Variants in COL25A1 observed in about 807,000 individuals in gnomAD.
COL25A1 encodes the protein collagen alpha-1(XXV) chain.
In COL25A1, 103 loss-of-function variants were observed where a neutral mutation model predicts 128.4. The observed-to-expected ratio is 0.80, with a 90% CI of 0.68 to 0.94. The LOEUF (loss-of-function observed/expected upper bound fraction) is 0.94, where lower values mean the gene tolerates loss of function less well. Among genes scored for constraint, COL25A1 ranks in the 40% least tolerant of loss-of-function variants. The probability of loss-of-function intolerance (pLI) is 0.00; values close to 1 mark genes in which losing one functional copy is unlikely to be tolerated. For synonymous variants in COL25A1, 279 were observed against 277.2 expected, an observed-to-expected ratio of 1.01 and a Z score of -0.06; for missense variants, 745 against 840.0, an observed-to-expected ratio of 0.89 and a Z score of 1.40.
chr4:108,893,690 AAAG>A (rs1741791699), intron 16 of COL25A1, among the ~76,000 whole-genome samples: 2 of 152,234 alleles, frequency 1.3e-5, no homozygotes, highest in South Asian at 2.1e-4. Flanking sequence ...CAATGGCAGA[AAAG>A]AAGGATTTTT....
At chr4:108,990,939 C>G (rs567930974) in intron 6 of COL25A1, among the ~76,000 whole-genome samples, 1 of 152,276 alleles carries the variant, frequency 6.6e-6, no homozygotes, top group African/African-American at 2.4e-5. Context: ...GTTTCATTTG[C>G]TATTGTACAA....
chr4:108,860,887 G>A (rs752808220), intron 23 of COL25A1, 40 bp downstream of exon 23: 1 of 1,581,606 alleles, frequency 6.3e-7, no homozygotes, highest in South Asian at 1.1e-5. Flanking sequence ...ATCTGGGATT[G>A]TAGGGAGCAA....
chr4:109,096,652 TAA>T (rs1765422688), intron 3 of COL25A1, among the ~76,000 whole-genome samples: 1 of 152,242 alleles, frequency 6.6e-6, no homozygotes, highest in African/African-American at 2.4e-5. Context: ...GTATTATTAT[TAA>T]AAGTTATATA....
At chr4:109,142,854 CTT>C (rs1560762444) in intron 3 of COL25A1, among the ~76,000 whole-genome samples, 1 of 152,048 alleles carries the variant, frequency 6.6e-6, no homozygotes, top group Non-Finnish European at 1.5e-5. Flanking sequence ...GGTCTTGACT[CTT>C]TATCCAATTT....
intron 3 of COL25A1, among the ~76,000 whole-genome samples, chr4:109,240,775 T>A (rs1779847226): frequency 6.6e-6 from 1 of 152,128 alleles, no homozygotes; most frequent in Admixed American, 6.6e-5. Context: ...TCTTCTTAAG[T>A]GACCTTATAG....
In COL25A1 at chr4:109,131,630, G is replaced by C. The variant is rs78481824; in HGVS notation, c.368-81451C>G. Among the ~76,000 whole-genome samples, 568 of 152,290 alleles carry C rather than the reference G, an allele frequency of 3.7e-3. 8 individuals are homozygous for C. The highest frequency in any genetic ancestry group is 0.013 in the African/African-American group (529 of 41,568). On this transcript the variant is annotated intron_variant, in intron 3 of 37. Coordinates refer to ENST00000399132, the MANE Select transcript of COL25A1 (RefSeq NM_198721.4). ...AAGATATCACCAACCAACCAGAGCA[G>C]TAAAATCTTCCCTCTCATATCTCAT...
At chr4:109,052,108 ATG>A (rs1315968986) in intron 3 of COL25A1, among the ~76,000 whole-genome samples, 1 of 152,214 alleles carries the variant, frequency 6.6e-6, no homozygotes, top group Non-Finnish European at 1.5e-5. Context: ...TCCCTGAAGA[ATG>A]TGTCTTTCAA....
At chr4:108,856,550 G>A (rs1431203072) in intron 24 of COL25A1, among the ~76,000 whole-genome samples, 6 of 152,004 alleles carry the variant, frequency 3.9e-5, no homozygotes, top group Non-Finnish European at 5.9e-5. Flanking sequence ...AATTTTATGA[G>A]GGACTCAATT....
At chr4:109,023,239 G>A (rs1328824182) in intron 5 of COL25A1, among the ~76,000 whole-genome samples, 1 of 152,186 alleles carries the variant, frequency 6.6e-6, no homozygotes, top group East Asian at 1.9e-4. Flanking sequence ...AGGCACAAGA[G>A]CTGTGTTCAA....
chr4:108,879,175 G>T, intron 19 of COL25A1, among the ~76,000 whole-genome samples: 1 of 152,168 alleles, frequency 6.6e-6, no homozygotes, highest in East Asian at 1.9e-4. Flanking sequence ...TTAGTGGCAA[G>T]AATGATTTCA....
chr4:108,839,500 T>A (rs1249640840), intron 31 of COL25A1, among the ~76,000 whole-genome samples: 1 of 152,192 alleles, frequency 6.6e-6, no homozygotes, highest in Non-Finnish European at 1.5e-5. Context: ...GGCTCAGTAG[T>A]CAGTGACTAA....
chr4:109,060,694 A>C (rs370787381), intron 3 of COL25A1, among the ~76,000 whole-genome samples: 1,683 of 152,030 alleles, frequency 0.011, 31 homozygotes, highest in African/African-American at 0.039. Flanking sequence ...TTTCAAAAAA[A>C]AAAAAACAAA....
chr4:108,864,243 C>T (rs1055152297), intron 20 of COL25A1, among the ~76,000 whole-genome samples: 1 of 152,182 alleles, frequency 6.6e-6, no homozygotes, highest in Non-Finnish European at 1.5e-5. Flanking sequence ...TAAAGGCCAT[C>T]ATTATACCTC....
intron 23 of COL25A1, among the ~76,000 whole-genome samples, chr4:108,860,247 A>G (rs1737033683): frequency 6.6e-6 from 1 of 151,946 alleles, no homozygotes; most frequent in Admixed American, 6.6e-5. Flanking sequence ...ATGCACCACC[A>G]TGACCAGCTA....
At chr4:108,889,324 G>A (rs1182855170) in intron 17 of COL25A1, 68 bp from the exon 18 acceptor site, 15 of 1,497,682 alleles carry the variant, frequency 1.0e-5, no homozygotes, top group Non-Finnish European at 1.4e-5. Flanking sequence ...TTAGACCTCT[G>A]GGCACCATCA....
intron 31 of COL25A1, among the ~76,000 whole-genome samples, chr4:108,840,084 A>C (rs1381040527): frequency 6.6e-6 from 1 of 151,828 alleles, no homozygotes; most frequent in East Asian, 1.9e-4. Flanking sequence ...TCTACTAAAA[A>C]TACAAAAATT....
rs749153186 is a variant in COL25A1 at position 108,822,407 on chromosome 4, C to CAT, written c.1845+1765_1845+1766dup. On this transcript the variant is annotated intron_variant, in intron 35 of 37. Coordinates refer to ENST00000399132, the MANE Select transcript of COL25A1 (RefSeq NM_198721.4). ...CAACCAACTAGGTAAATATAAAATGCATATATATATGTTTTTGAGTTTTTT... is the reference window on the plus strand; with the variant it reads ...CAACCAACTAGGTAAATATAAAATGCATATATATATATGTTTTTGAGTTTTTT... Among the ~76,000 whole-genome samples, 6 of 151,996 alleles carry CAT rather than the reference C, an allele frequency of 3.9e-5. No homozygotes were observed. The South Asian group carries it at 8.3e-4, about 21-fold the overall frequency.
chr4:109,181,352 G>A (rs1774611172), intron 3 of COL25A1, among the ~76,000 whole-genome samples: 1 of 151,896 alleles, frequency 6.6e-6, no homozygotes, highest in African/African-American at 2.4e-5. Flanking sequence ...TATTCTAAAT[G>A]GCGACTATTT....
chr4:108,984,782 G>A (rs1004157231), intron 6 of COL25A1, among the ~76,000 whole-genome samples: 3 of 152,238 alleles, frequency 2.0e-5, no homozygotes, highest in Non-Finnish European at 2.9e-5. Flanking sequence ...GCCTTGGCCA[G>A]CCCAGAAAGG....
Sources: allele counts gnomAD v4.1 joint callset (sites outside exome capture counted in the v4.1 genomes callset), GRCh38; gene constraint gnomAD v4.1.1; transcripts MANE v1.5; gene names NCBI Gene and HGNC (gene_info 2026-07-23, HGNC 2026-07-21).